Variants in HIVEP1 observed in about 807,000 individuals in gnomAD.
HIVEP1 encodes HIVEP zinc finger 1, also known as zinc finger protein 40.
HIVEP1 carries 36 observed loss-of-function variants against 180.0 expected under a neutral mutation model. That is an observed-to-expected ratio of 0.20 (90% CI 0.15 to 0.26). HIVEP1 has a LOEUF of 0.26. HIVEP1 is among the 10% of genes least tolerant of loss of function. The pLI, the probability that HIVEP1 is intolerant of heterozygous loss-of-function variation, is 1.00. For missense variants in HIVEP1, 3,143 were observed against 3,268.7 expected (o/e 0.96, Z 0.94); for synonymous variants, 1,239 against 1,239.0 (o/e 1.00, Z 0.00).
At chr6:12,149,941 A>G (rs1251001139) in intron 7 of HIVEP1, among the ~76,000 whole-genome samples, 1 of 152,222 alleles carries the variant, frequency 6.6e-6, no homozygotes, top group African/African-American at 2.4e-5. Context: ...ATCTTTTAGC[A>G]GATGGAATTC....
At chr6:12,051,288 T>C (rs1395399253) in intron 2 of HIVEP1, among the ~76,000 whole-genome samples, 2 of 151,820 alleles carry the variant, frequency 1.3e-5, no homozygotes, top group African/African-American at 4.8e-5. Flanking sequence ...TCTGTGTGGT[T>C]ATGCTACCAC....
At chr6:12,205,580 G>A in the HIVEP1 span, among the ~76,000 whole-genome samples, 4 of 152,136 alleles carry the variant, frequency 2.6e-5, no homozygotes, top group Non-Finnish European at 4.4e-5. Flanking sequence ...TTATGCCTCT[G>A]TTTCTTGCTA....
chr6:12,078,976 G>A (rs1772584097), intron 2 of HIVEP1, among the ~76,000 whole-genome samples: 1 of 152,088 alleles, frequency 6.6e-6, no homozygotes, highest in African/African-American at 2.4e-5. Context: ...ATCCATACTG[G>A]ATTAGTAGCC....
intron 2 of HIVEP1, among the ~76,000 whole-genome samples, chr6:12,054,850 G>T (rs188253441): frequency 7.7e-4 from 117 of 152,236 alleles, no homozygotes; most frequent in African/African-American, 2.8e-3. Flanking sequence ...ATATTCATTT[G>T]TATGTTTATC....
At position 12,015,585 on chromosome 6, in the gene HIVEP1, T is replaced by G; in HGVS notation, c.-44T>G. 6 of 1,558,904 alleles carry G rather than the reference T, an allele frequency of 3.8e-6. 1 individual carries two copies. The highest frequency in any genetic ancestry group is 5.3e-6 in the Non-Finnish European group (6 of 1,133,386). On this transcript the variant is annotated 5_prime_UTR_variant, in exon 2 of 9. An upstream open reading frame in the 5' UTR gains an earlier in-frame stop. Transcript: ENST00000379388. ...AGCTGCCTTTTGGTGGCTTGCTTTATCTGCAGTTTTTAAGAAGAAAAAGAA... is the reference window on the plus strand; with the variant it reads ...AGCTGCCTTTTGGTGGCTTGCTTTAGCTGCAGTTTTTAAGAAGAAAAAGAA...
the HIVEP1 span, among the ~76,000 whole-genome samples, chr6:12,199,703 A>G: frequency 2.6e-5 from 4 of 152,192 alleles, no homozygotes; most frequent in South Asian, 8.3e-4. Flanking sequence ...GTATGAGACA[A>G]TTTGAGTGTA....
Position 12,124,816 on chromosome 6 carries a change from A to G in HIVEP1, c.5021A>G (p.His1674Arg), listed in dbSNP as rs756469768. Residue 1674 changes from histidine (H) to arginine (R), a missense_variant, in exon 4 of 9, where the codon CAT (histidine) becomes CGT (arginine). By Grantham distance (29) the His-to-Arg change is conservative. This residue lies in a region of HIVEP1 where 1,357 missense variants were observed against 1,260.5 expected (regional missense o/e 1.08). Coordinates refer to ENST00000379388, the MANE Select transcript of HIVEP1 (RefSeq NM_002114.4). ...AATCAGCCAATTTGCCAGACTAATC[A>G]TAGTGTAGTGCCAATCAGTGAAGAA... Reference protein sequence around the residue: ...LPNQPICQTNHSVVPISEEQN... With the variant: ...LPNQPICQTNRSVVPISEEQN... The G allele has an allele frequency of 1.2e-6, 2 of 1,614,212 alleles. No individual in the cohort carries two copies. Among genetic ancestry groups the G allele is most frequent in the Non-Finnish European group, 1.7e-6 (2 of 1,180,016 alleles).
chr6:12,044,770 G>A (rs1464560330), intron 2 of HIVEP1, among the ~76,000 whole-genome samples: 1 of 150,398 alleles, frequency 6.6e-6, no homozygotes, highest in African/African-American at 2.5e-5. Flanking sequence ...CAAAGCCAGT[G>A]CACCTGTGTA....
At chr6:12,190,544 A>G in the HIVEP1 span, among the ~76,000 whole-genome samples, 1 of 152,134 alleles carries the variant, frequency 6.6e-6, no homozygotes, top group Admixed American at 6.6e-5. Flanking sequence ...CCAACTCTGC[A>G]TTATCGGGCT....
Position 12,123,401 on chromosome 6 carries a change from C to G in HIVEP1, c.3606C>G (p.Leu1202=), listed in dbSNP as rs1228588752. ...HPHQLALSDA[L]RGELQESSRK... ...ACCAGCTTGCACTATCAGACGCTCT[C>G]AGAGGAGAACTTCAGGAAAGCTCCA... The change falls in exon 4 of 9, where the codon CTC becomes CTG. Residue 1202 remains leucine (L), a synonymous_variant. Transcript: ENST00000379388. 4.3e-6 allele frequency: 7 copies of G among 1,614,168 alleles called. No individual in the cohort carries two copies. The highest frequency in any genetic ancestry group is 5.9e-6 in the Non-Finnish European group (7 of 1,180,030).
Position 12,135,907 on chromosome 6 carries a change from C to G in HIVEP1, c.6487+15C>G, listed in dbSNP as rs758170119. ...AGAAGAATCAGGTAAGGCTTTATACCATATTTTTCATAAATGCTATTTATA... is the reference window on the plus strand; with the variant it reads ...AGAAGAATCAGGTAAGGCTTTATACGATATTTTTCATAAATGCTATTTATA... On this transcript the variant is annotated intron_variant, in intron 7 of 8. Coordinates refer to ENST00000379388, the MANE Select transcript of HIVEP1 (RefSeq NM_002114.4). 2 of 1,480,222 alleles carry G rather than the reference C, an allele frequency of 1.4e-6. No individual in the cohort carries two copies. Among genetic ancestry groups the G allele is most frequent in the Non-Finnish European group, 1.9e-6 (2 of 1,064,572 alleles). The allele number at this position is 1,480,222 out of a possible 1,614,324, so 91.7% of individuals were successfully genotyped here. A position where few individuals can be genotyped will look rare whatever the true frequency, so the allele number is the denominator to read the frequency against.
At chr6:12,088,800 CTGGT>C (rs1670415569) in intron 2 of HIVEP1, among the ~76,000 whole-genome samples, 1 of 152,100 alleles carries the variant, frequency 6.6e-6, no homozygotes, top group Non-Finnish European at 1.5e-5. Flanking sequence ...TTTGCTTAAT[CTGGT>C]TGTTTCTAAG....
chr6:12,156,641 T>C (rs1760072119), intron 7 of HIVEP1, among the ~76,000 whole-genome samples: 1 of 152,166 alleles, frequency 6.6e-6, no homozygotes, highest in African/African-American at 2.4e-5. Flanking sequence ...CTGCAATAAT[T>C]TGATGGTTTT....
Position 12,123,261 on chromosome 6 carries a change from A to G in HIVEP1, c.3466A>G (p.Arg1156Gly), listed in dbSNP as rs576000106. 7 of 1,614,202 alleles carry G rather than the reference A, an allele frequency of 4.3e-6. No individual in the cohort carries two copies. In the Admixed American group the frequency reaches 1.2e-4, roughly 27 times the overall value. Residue 1156 changes from arginine to glycine, a missense_variant, in exon 4 of 9, where the codon AGA (arginine) becomes GGA (glycine). Arg to Gly is a moderately radical substitution (Grantham distance 125). Coordinates refer to ENST00000379388, the MANE Select transcript of HIVEP1 (RefSeq NM_002114.4). ...NSFDKPEPFERASPVSFQELN... is the reference protein window; with the variant it reads ...NSFDKPEPFEGASPVSFQELN... Reference sequence around the variant, plus strand: ...ATTTGACAAGCCTGAGCCTTTTGAAAGAGCCTCCCCAGTTTCTTTCCAGGA... The same window carrying G: ...ATTTGACAAGCCTGAGCCTTTTGAAGGAGCCTCCCCAGTTTCTTTCCAGGA...
At chr6:12,147,127 C>T (rs1337204380) in intron 7 of HIVEP1, among the ~76,000 whole-genome samples, 1 of 152,024 alleles carries the variant, frequency 6.6e-6, no homozygotes, top group Admixed American at 6.5e-5. Flanking sequence ...CCACAGGGCC[C>T]AAGGCTGGGA....
intron 2 of HIVEP1, among the ~76,000 whole-genome samples, chr6:12,085,699 G>A (rs1300999268): frequency 2.0e-5 from 3 of 152,082 alleles, no homozygotes; most frequent in Admixed American, 1.3e-4. Context: ...GGCTCTTGGG[G>A]AATGAGAGGC....
Position 12,121,282 on chromosome 6 carries a change from A to G in HIVEP1, c.1487A>G (p.Glu496Gly). The G allele has an allele frequency of 6.2e-7, 1 of 1,614,182 alleles. No individual in the cohort carries two copies. Among genetic ancestry groups the G allele is most frequent in the Non-Finnish European group, 8.5e-7 (1 of 1,180,038 alleles). Residue 496 changes from glutamate (E) to glycine (G), a missense_variant, in exon 4 of 9, where the codon GAG (glutamate) becomes GGG (glycine). By Grantham distance (98) the Glu-to-Gly change is moderately conservative. Around this residue, in one of 12 missense-constraint regions of HIVEP1, gnomAD observed 365 missense variants for 344.4 expected, o/e 1.06. Coordinates refer to ENST00000379388, the MANE Select transcript of HIVEP1 (RefSeq NM_002114.4). The surrounding 1 kb of genome is among the most constrained non-coding windows in gnomAD (Gnocchi z 5.3). ...GACGTAGAAGACAGTGGGGAGAGCG[A>G]GGAGGAAGGCGCCACTGATGAGAGA... Reference protein sequence around the residue: ...HSDVEDSGESEEEGATDERQH... With the variant: ...HSDVEDSGESGEEGATDERQH...
chr6:12,057,609 G>C (rs1437684484), intron 2 of HIVEP1, among the ~76,000 whole-genome samples: 1 of 152,152 alleles, frequency 6.6e-6, no homozygotes, highest in East Asian at 1.9e-4. Context: ...CTGTGTTATA[G>C]TCTCATGAAG....
chr6:12,166,014 T>G (rs143141974), downstream of HIVEP1, among the ~76,000 whole-genome samples: 3 of 152,340 alleles, frequency 2.0e-5, no homozygotes, highest in Non-Finnish European at 2.9e-5. Flanking sequence ...TTCCATAGAT[T>G]AAGTAACAAA....
Sources: gnomAD v4.1 joint callset for allele counts (sites outside exome capture counted in the v4.1 genomes callset) on GRCh38, gnomAD v4.1.1 for gene constraint, gnomAD v4.1.1 regional missense constraint, Gnocchi (gnomAD v3.1) non-coding constraint, MANE v1.5 for transcripts, NCBI Gene and HGNC (gene_info 2026-07-23, HGNC 2026-07-21) for gene names.